NEURL3: variants seen among roughly 807,000 people sequenced by gnomAD.
The protein encoded by NEURL3 is E3 ubiquitin-protein ligase NEURL3.
In NEURL3, 19 loss-of-function variants were observed where a neutral mutation model predicts 17.6. The observed-to-expected ratio is 1.08, with a 90% CI of 0.75 to 1.58. The LOEUF is 1.58. Ranked by LOEUF, NEURL3 falls within the 40% of genes most tolerant of loss-of-function variation. NEURL3 has a pLI of 0.00. For synonymous variants in NEURL3, 180 were observed against 161.4 expected, an observed-to-expected ratio of 1.11 and a Z score of -0.87; for missense variants, 342 against 379.6, an observed-to-expected ratio of 0.90 and a Z score of 0.82.
intron 2 of NEURL3, 91 bp downstream of exon 2, chr2:96,500,348 A>G (rs1196630964): frequency 6.5e-7 from 1 of 1,532,102 alleles, no homozygotes; most frequent in Admixed American, 1.9e-5. Context: ...ACTGAATGTG[A>G]ACGTTCTTCC....
In NEURL3 at chr2:96,498,473, G is replaced by C. The variant is rs532030781; in HGVS notation, c.587-27C>G. The C allele has an allele frequency of 4.5e-6, 7 of 1,569,290 alleles. No individual in the cohort carries two copies. In the Admixed American group the frequency reaches 1.2e-4, roughly 27 times the overall value. On this transcript the variant is annotated intron_variant, in intron 3 of 3. Coordinates refer to ENST00000451794, the MANE Select transcript of NEURL3 (RefSeq NM_001285485.2). The surrounding 1 kb of genome is among the most constrained non-coding windows in gnomAD (Gnocchi z 4.4). ...TGGAAGAGGGAGCAACACAGGTCAGGGCACATGGGGGAAGGGGTGGGCAAC... is the reference window on the plus strand; with the variant it reads ...TGGAAGAGGGAGCAACACAGGTCAGCGCACATGGGGGAAGGGGTGGGCAAC...
At chr2:96,499,497 C>T (rs747248029) in intron 2 of NEURL3, 48 bp from the exon 3 acceptor site, 5 of 1,536,072 alleles carry the variant, frequency 3.3e-6, no homozygotes, top group Non-Finnish European at 3.6e-6. Flanking sequence ...GCCCAGGTGC[C>T]CCCCCATCCC....
intron 1 of NEURL3, among the ~76,000 whole-genome samples, chr2:96,503,060 C>T (rs1272390422): frequency 1.3e-5 from 2 of 152,134 alleles, no homozygotes; most frequent in African/African-American, 2.4e-5. Flanking sequence ...GGCAGGTGCC[C>T]GGGACAGAGG....
intron 1 of NEURL3, among the ~76,000 whole-genome samples, chr2:96,504,155 G>T (rs2065538268): frequency 1.3e-5 from 2 of 152,202 alleles, no homozygotes; most frequent in Admixed American, 1.3e-4. Context: ...TGGGGCAGGG[G>T]CGGCCCCTTG....
chr2:96,504,484 C>A (rs2065542044), intron 1 of NEURL3: 1 of 152,202 alleles, frequency 6.6e-6, no homozygotes, highest in African/African-American at 2.4e-5. Flanking sequence ...GCCCATGGTG[C>A]CCACCAGGGG....
At chr2:96,499,082 C>T (rs2065471837) in intron 3 of NEURL3, 1 of 948,848 alleles carries the variant, frequency 1.1e-6, no homozygotes, top group African/African-American at 1.7e-5. Context: ...CCCACCTATC[C>T]TTTCATCTTT....
chr2:96,499,114 A>T (rs1194194811), intron 3 of NEURL3: 1 of 1,150,936 alleles, frequency 8.7e-7, no homozygotes, highest in Non-Finnish European at 1.1e-6. Context: ...CAAAGCATTT[A>T]CAATGAATGT....
chr2:96,502,793 G>A (rs960215638), intron 1 of NEURL3, among the ~76,000 whole-genome samples: 17 of 152,244 alleles, frequency 1.1e-4, no homozygotes, highest in Non-Finnish European at 4.4e-5. Context: ...TCTACAAACT[G>A]CCACACCCAA....
intron 1 of NEURL3, among the ~76,000 whole-genome samples, chr2:96,502,250 C>G (rs2104611171): frequency 6.6e-6 from 1 of 152,362 alleles, no homozygotes; most frequent in East Asian, 1.9e-4. Flanking sequence ...GCCTGCCCAG[C>G]TCCCTGTGCC....
intron 2 of NEURL3, chr2:96,500,052 C>T: frequency 4.3e-6 from 1 of 232,962 alleles, no homozygotes; most frequent in Non-Finnish European, 8.3e-6. Context: ...TCCCTGCAGG[C>T]ACTCTCCATG....
rs1355318450 is a variant in NEURL3, at chr2:96,500,668, G to T, written c.285C>A (p.Pro95=). 2.6e-6 allele frequency: 4 copies of T among 1,519,294 alleles called. No homozygotes were observed. In the South Asian group the frequency reaches 4.9e-5, roughly 19 times the overall value. The allele number at this position is 1,519,294 out of a possible 1,614,324, so 94.1% of individuals were successfully genotyped here. The change falls in exon 2 of 4, where the codon CCC becomes CCA. Residue 95 remains proline, a synonymous_variant. Coordinates refer to ENST00000451794, the MANE Select transcript of NEURL3 (RefSeq NM_001285485.2). ...PACVSVPSLP[P]FLCPDLEEQS... ...GCTCCTCCAGGTCGGGGCACAGGAA[G>T]GGCGGCAGGCTGGGCACGGACACGC... is the stretch of plus-strand genomic sequence containing the variant.
At chr2:96,499,147 C>A in intron 3 of NEURL3, 1 of 1,300,724 alleles carries the variant, frequency 7.7e-7, no homozygotes, top group South Asian at 2.2e-5. Flanking sequence ...AAAGCAAGAA[C>A]AAAATAACAC....
At chr2:96,500,976 G>C in intron 1 of NEURL3, 52 bp from the exon 2 acceptor site, 1 of 1,453,740 alleles carries the variant, frequency 6.9e-7, no homozygotes, top group Non-Finnish European at 9.0e-7. Context: ...GGACCCACCA[G>C]CTCCCCAGAG....
In NEURL3 at chr2:96,498,548, T is replaced by C; in HGVS notation, c.587-102A>G. 1 of 1,100,246 alleles carries C rather than the reference T, an allele frequency of 9.1e-7. No homozygotes were observed. 68.2% of individuals were successfully genotyped at this position (1,100,246 alleles called of 1,614,324 possible). A position where few individuals can be genotyped will look rare whatever the true frequency, so the allele number is the denominator to read the frequency against. On this transcript the variant is annotated intron_variant, in intron 3 of 3. Coordinates refer to ENST00000451794, the MANE Select transcript of NEURL3 (RefSeq NM_001285485.2). This position sits in a 1 kb window ranked among gnomAD's most constrained non-coding sequence, Gnocchi z 4.4. Reference sequence around the variant, plus strand: ...ATGACAGAGAAACATGTAGCTATATTTTGAAGAATGTTACCTAGTGAGGAA... The same window carrying C: ...ATGACAGAGAAACATGTAGCTATATCTTGAAGAATGTTACCTAGTGAGGAA...
intron 1 of NEURL3, among the ~76,000 whole-genome samples, chr2:96,503,634 C>T (rs1375053763): frequency 6.6e-6 from 1 of 152,194 alleles, no homozygotes; most frequent in East Asian, 1.9e-4. Flanking sequence ...CAAGGGCCCA[C>T]AGGACCGTGT....
chr2:96,506,518 TTCGGGGGCAAG>T (rs2065561987), upstream of NEURL3, among the ~76,000 whole-genome samples: 1 of 152,172 alleles, frequency 6.6e-6, no homozygotes, highest in South Asian at 2.1e-4. Flanking sequence ...GGACCCCACT[TTCGGGGGCAAG>T]GGCCTGGTGG....
At chr2:96,505,444 C>G, upstream of NEURL3, 1 of 701,108 alleles carries the variant, frequency 1.4e-6, no homozygotes, top group Non-Finnish European at 2.4e-6. Flanking sequence ...TCATGTGTTA[C>G]TATATCCAGG....
chr2:96,501,175 G>A (rs774655916), intron 1 of NEURL3, among the ~76,000 whole-genome samples: 5 of 152,176 alleles, frequency 3.3e-5, no homozygotes, highest in Non-Finnish European at 7.4e-5. Flanking sequence ...GGTTAGTCAG[G>A]CATAAATATC....
At position 96,498,040 on chromosome 2, in the gene NEURL3, A is replaced by C. The variant is rs889646114; in HGVS notation, c.*204T>G. On this transcript the variant is annotated 3_prime_UTR_variant, in exon 4 of 4. Transcript: ENST00000451794. This position sits in a 1 kb window ranked among gnomAD's most constrained non-coding sequence, Gnocchi z 4.4. ...GGATAGTTCTGGCATGGACAGAAAG[A>C]GGGGTTTTTCCTTGCTATCCTGTTG... 6.8e-6 allele frequency: 4 copies of C among 587,628 alleles called. No individual in the cohort carries two copies. Among genetic ancestry groups the C allele is most frequent in the Admixed American group, 6.3e-5 (2 of 31,600 alleles). 36.4% of individuals were successfully genotyped at this position (587,628 alleles called of 1,614,324 possible).
Sources: allele counts gnomAD v4.1 joint callset (sites outside exome capture counted in the v4.1 genomes callset), GRCh38; gene constraint gnomAD v4.1.1; non-coding constraint Gnocchi (gnomAD v3.1); transcripts MANE v1.5; gene names NCBI Gene and HGNC (gene_info 2026-07-23, HGNC 2026-07-21).